Variants in C21orf58 observed in about 807,000 individuals in gnomAD.
C21orf58 encodes chromosome 21 open reading frame 58.
In C21orf58, 34 loss-of-function variants were observed where a neutral mutation model predicts 35.8. The observed-to-expected ratio is 0.95, with a 90% confidence interval of 0.72 to 1.26. The LOEUF is 1.26. Ranked by LOEUF, C21orf58 falls within the 50% of genes most tolerant of loss-of-function variation. The probability of loss-of-function intolerance (pLI) is 0.00; values close to 1 mark genes in which losing one functional copy is unlikely to be tolerated. For missense variants in C21orf58, 440 were observed against 414.3 expected, an observed-to-expected ratio of 1.06 and a Z score of -0.54; for synonymous variants, 191 against 175.8, an observed-to-expected ratio of 1.09 and a Z score of -0.68.
rs370246697 is a variant in C21orf58 at position 46,322,698 on chromosome 21, G to T, written c.41C>A (p.Pro14Gln). The T allele has an allele frequency of 6.2e-5, 97 of 1,577,152 alleles. No homozygotes were observed. The highest frequency in any genetic ancestry group is 5.0e-4 in the Middle Eastern group (3 of 5,962). Reference sequence around the variant, plus strand: ...AAGTTTCTGGCGGTCGAGCTTCCACGGCTTCCTGAGGGAGGTTGCAGGGAG... The same window carrying T: ...AAGTTTCTGGCGGTCGAGCTTCCACTGCTTCCTGAGGGAGGTTGCAGGGAG... Reference protein sequence around the residue: ...SRLPATSLRKPWKLDRQKLPS... With the variant: ...SRLPATSLRKQWKLDRQKLPS... Residue 14 changes from proline to glutamine, a missense_variant, in exon 1 of 8, where the codon CCG becomes CAG. Coordinates refer to ENST00000291691, the MANE Select transcript of C21orf58 (RefSeq NM_058180.5).
intron 6 of C21orf58, among the ~76,000 whole-genome samples, chr21:46,305,234 G>A (rs113924725): frequency 3.7e-4 from 56 of 151,904 alleles, no homozygotes; most frequent in Admixed American, 1.0e-3. Context: ...CTGCGGCACA[G>A]CAGTGACTAC....
chr21:46,323,020 A>T lies in C21orf58; in HGVS notation c.-282T>A, dbSNP rs1399264423. The T allele has an allele frequency of 7.1e-6, 2 of 280,756 alleles. No individual in the cohort carries two copies. Among genetic ancestry groups the T allele is most frequent in the Non-Finnish European group, 1.3e-5 (2 of 151,718 alleles). 17.4% of individuals were successfully genotyped at this position (280,756 alleles called of 1,614,324 possible). ...CCCAGAAACCAGACTTGGACACATG[A>T]AATAAAGGGGTTAGCTGAAGGAATA... is the stretch of plus-strand genomic sequence containing the variant. On this transcript the variant is annotated 5_prime_UTR_variant, in exon 1 of 8. Coordinates refer to ENST00000291691, the MANE Select transcript of C21orf58 (RefSeq NM_058180.5).
chr21:46,303,724 TATATATATATATATATATA>T (rs2082248643), intron 6 of C21orf58, among the ~76,000 whole-genome samples: 1 of 23,890 alleles, frequency 4.2e-5, no homozygotes, highest in African/African-American at 2.0e-4. Flanking sequence ...TATATATATA[TATATATATATATATATATA>T]TATTTTTTTT....
chr21:46,314,207 A>G (rs968725842), intron 5 of C21orf58, among the ~76,000 whole-genome samples: 1 of 148,714 alleles, frequency 6.7e-6, no homozygotes, highest in Non-Finnish European at 1.5e-5. Context: ...CCTCCTGAGT[A>G]GCTGGGACTA....
chr21:46,312,539 G>A (rs1031439618), intron 5 of C21orf58, among the ~76,000 whole-genome samples: 5 of 151,860 alleles, frequency 3.3e-5, no homozygotes, highest in South Asian at 2.1e-4. Flanking sequence ...GGCTGGTCTC[G>A]AACTCCTGAC....
At chr21:46,306,730 G>A (rs2082434412) in intron 6 of C21orf58, among the ~76,000 whole-genome samples, 1 of 151,976 alleles carries the variant, frequency 6.6e-6, no homozygotes, top group South Asian at 2.1e-4. Flanking sequence ...TAGGACCACA[G>A]GCATGCACCT....
intron 1 of C21orf58, chr21:46,318,998 G>A (rs1378346185): frequency 3.0e-5 from 9 of 295,642 alleles, no homozygotes; most frequent in African/African-American, 4.5e-5. Flanking sequence ...CACCCTCCTC[G>A]GTGCAGCTAA....
In C21orf58 at chr21:46,317,287, G is replaced by A. The variant is rs370029121; in HGVS notation, c.310-19C>T. The A allele has an allele frequency of 1.1e-5, 18 of 1,608,954 alleles. No individual in the cohort carries two copies. Among genetic ancestry groups the A allele is most frequent in the Non-Finnish European group, 1.4e-5 (17 of 1,178,676 alleles). On this transcript the variant is annotated intron_variant, in intron 2 of 7. Transcript: ENST00000291691. ...CCAGCTTCTGTGAGGAAGAGAGACC[G>A]TGACAGAGACGGTGGCTCCACGCAA...
intron 2 of C21orf58, 59 bp downstream of exon 2, chr21:46,317,953 C>G (rs2146103601): frequency 6.3e-7 from 1 of 1,579,980 alleles, no homozygotes; most frequent in Non-Finnish European, 8.6e-7. Context: ...TCGAAGAGTC[C>G]CTCCAACGCC....
chr21:46,319,363 G>A (rs2083082517), intron 1 of C21orf58, among the ~76,000 whole-genome samples: 1 of 152,172 alleles, frequency 6.6e-6, no homozygotes. Context: ...ATCTGTGGAG[G>A]GTGTGGGCTA....
intron 1 of C21orf58, 149 bp from the exon 2 acceptor site, chr21:46,318,369 C>T: frequency 1.4e-6 from 2 of 1,457,270 alleles, no homozygotes; most frequent in South Asian, 2.8e-5. Flanking sequence ...TGTGCGTCCT[C>T]AGGCTACCGG....
chr21:46,320,438 G>C (rs1230012955), intron 1 of C21orf58, among the ~76,000 whole-genome samples: 3 of 147,326 alleles, frequency 2.0e-5, no homozygotes, highest in African/African-American at 7.6e-5. Flanking sequence ...GGGCCAGGCA[G>C]GCGGAAGTTG....
intron 6 of C21orf58, among the ~76,000 whole-genome samples, chr21:46,305,187 G>A (rs899778166): frequency 1.1e-4 from 16 of 152,130 alleles, no homozygotes; most frequent in African/African-American, 3.6e-4. Context: ...GACGTAGTCC[G>A]ACGGGTGGAG....
chr21:46,317,166 G>A, intron 3 of C21orf58, 42 bp downstream of exon 3: 6 of 1,589,822 alleles, frequency 3.8e-6, no homozygotes, highest in Non-Finnish European at 5.1e-6. Flanking sequence ...GGCTACACTT[G>A]CGTCTGTCTG....
rs891678111 is a variant in C21orf58, at chr21:46,317,969, C to A, written c.309+43G>T. 3 of 1,605,920 alleles carry A rather than the reference C, an allele frequency of 1.9e-6. No individual in the cohort carries two copies. In the Admixed American group the frequency reaches 5.0e-5, roughly 27 times the overall value. ...CGAAGAGTCCCTCCAACGCCACAGC[C>A]TGCGAGTTGTTAAAAACAGGAGCAT... is the stretch of plus-strand genomic sequence containing the variant. On this transcript the variant is annotated intron_variant, in intron 2 of 7. Transcript: ENST00000291691.
At chr21:46,318,533 C>G (rs899361818) in intron 1 of C21orf58, 1 of 1,266,430 alleles carries the variant, frequency 7.9e-7, no homozygotes, top group Non-Finnish European at 1.0e-6. Flanking sequence ...TCCAGAAGAA[C>G]CTGTGTGTCA....
At chr21:46,309,333 G>A (rs1300436126) in intron 6 of C21orf58, among the ~76,000 whole-genome samples, 2 of 150,864 alleles carry the variant, frequency 1.3e-5, no homozygotes, top group Admixed American at 1.3e-4. Flanking sequence ...ATGGTGGCAG[G>A]CGCCTGTAAT....
Position 46,311,656 on chromosome 21 carries a change from C to G in C21orf58, c.610-89G>C. 5.5e-6 allele frequency: 3 copies of G among 548,108 alleles called. No homozygotes were observed. In the South Asian group the frequency reaches 9.1e-5, roughly 17 times the overall value. The allele number at this position is 548,108 out of a possible 1,614,324, so 34.0% of individuals were successfully genotyped here. On this transcript the variant is annotated intron_variant, in intron 5 of 7. Transcript: ENST00000291691. ...CCACCCATCCATCCACCCACCCATC[C>G]AACCAACCAACCAACCAACCATCCA...
chr21:46,322,731 C>G lies in C21orf58; in HGVS notation c.8G>C (p.Arg3Pro), dbSNP rs907933276. The change falls in exon 1 of 8, where the codon CGA (arginine) becomes CCA (proline). Residue 3 changes from arginine (R) to proline (P), a missense_variant. Transcript: ENST00000291691. MA[R>P]SRLPATSLRK... is the part of the protein sequence containing the mutation. ...GAGGGAGGTTGCAGGGAGCCGAGAT[C>G]GCGCCATTGCGCTATAGCCTGGGCG... 6.6e-7 allele frequency: 1 copy of G among 1,525,300 alleles called. No homozygotes were observed. Among genetic ancestry groups the G allele is most frequent in the Non-Finnish European group, 8.8e-7 (1 of 1,134,554 alleles). 94.5% of individuals were successfully genotyped at this position (1,525,300 alleles called of 1,614,324 possible).
Sources: gnomAD v4.1 joint callset for allele counts (sites outside exome capture counted in the v4.1 genomes callset) on GRCh38, gnomAD v4.1.1 for gene constraint, MANE v1.5 for transcripts, NCBI Gene and HGNC (gene_info 2026-07-23, HGNC 2026-07-21) for gene names.